Variants in STAM observed in about 807,000 individuals in gnomAD.
The protein encoded by STAM is signal transducing adaptor molecule.
In STAM, 16 loss-of-function variants were observed where a neutral mutation model predicts 63.4. The observed-to-expected ratio is 0.25, with a 90% confidence interval of 0.17 to 0.38. The LOEUF (loss-of-function observed/expected upper bound fraction) is 0.38. Ranked by LOEUF, STAM falls within the 10% of genes least tolerant of loss-of-function variation. The pLI is 1.00. For synonymous variants in STAM, 238 were observed against 223.9 expected (o/e 1.06, Z -0.56); for missense variants, 636 against 657.1 (o/e 0.97, Z 0.35).
chr10:17,672,607 A>G (rs1554824194), intron 2 of STAM, among the ~76,000 whole-genome samples: 1 of 152,200 alleles, frequency 6.6e-6, no homozygotes, highest in African/African-American at 2.4e-5. Flanking sequence ...TATCTAACAT[A>G]GTCCTGTATG....
rs782513894 is a variant in STAM, at chr10:17,714,564, A to G, written c.1407A>G (p.Gln469=). 1.2e-6 allele frequency: 2 copies of G among 1,614,168 alleles called. No homozygotes were observed. The highest frequency in any genetic ancestry group is 8.5e-7 in the Non-Finnish European group (1 of 1,180,022). Residue 469 remains glutamine (Q), a synonymous_variant, in exon 14 of 14, where the codon CAA becomes CAG. Coordinates refer to ENST00000377524, the MANE Select transcript of STAM (RefSeq NM_003473.4). ...AYPNTMVSSV[Q]GNTYPSQAPV... ...ACAGTACAATGGTCAGTTCCGTTCA[A>G]GGAAACACATATCCCAGCCAGGCGC...
intron 2 of STAM, chr10:17,672,985 G>A: frequency 1.0e-6 from 1 of 979,858 alleles, no homozygotes. Context: ...ATAAGGAAAA[G>A]AGAGGATGTG....
At chr10:17,707,383 C>G (rs1167783790) in intron 12 of STAM, among the ~76,000 whole-genome samples, 1 of 151,928 alleles carries the variant, frequency 6.6e-6, no homozygotes, top group Non-Finnish European at 1.5e-5. Flanking sequence ...GCACTCCAGC[C>G]TGGGCGACAG....
At chr10:17,707,903 T>A (rs1836368134) in intron 12 of STAM, among the ~76,000 whole-genome samples, 1 of 152,108 alleles carries the variant, frequency 6.6e-6, no homozygotes, top group Non-Finnish European at 1.5e-5. Context: ...TAATAAACTT[T>A]TTTTTGAGAC....
intron 8 of STAM, among the ~76,000 whole-genome samples, chr10:17,698,528 G>A (rs1210053012): frequency 2.0e-5 from 3 of 151,750 alleles, no homozygotes; most frequent in African/African-American, 7.3e-5. Flanking sequence ...AAGCATCAGA[G>A]CCTATGTAGT....
At chr10:17,704,065 A>C (rs1389182371) in intron 9 of STAM, among the ~76,000 whole-genome samples, 1 of 152,226 alleles carries the variant, frequency 6.6e-6, no homozygotes, top group Non-Finnish European at 1.5e-5. Flanking sequence ...CTTCTCGCTT[A>C]AGAGAATCTC....
chr10:17,715,002 T>C lies in STAM; in HGVS notation c.*222T>C. On this transcript the variant is annotated 3_prime_UTR_variant, in exon 14 of 14. Transcript: ENST00000377524. Reference sequence around the variant, plus strand: ...GAGGAATGAAACTACTTACAACATTTAATTCCTTTCATAATATGAAAGAAT... The same window carrying C: ...GAGGAATGAAACTACTTACAACATTCAATTCCTTTCATAATATGAAAGAAT... The C allele has an allele frequency of 3.7e-6, 2 of 539,662 alleles. No individual in the cohort carries two copies. The highest frequency in any genetic ancestry group is 6.7e-6 in the Non-Finnish European group (2 of 299,340). 33.4% of individuals were successfully genotyped at this position (539,662 alleles called of 1,614,324 possible). A position where few individuals can be genotyped will look rare whatever the true frequency, so the allele number is the denominator to read the frequency against.
chr10:17,653,667 A>G (rs569296146), intron 1 of STAM, among the ~76,000 whole-genome samples: 2 of 152,208 alleles, frequency 1.3e-5, no homozygotes, highest in African/African-American at 2.4e-5. Flanking sequence ...ATTATGCCCT[A>G]TACAGTATAG....
chr10:17,644,315 G>A lies in STAM; in HGVS notation c.-25G>A, dbSNP rs1554820503. 1.2e-6 allele frequency: 2 copies of A among 1,613,750 alleles called. No individual in the cohort carries two copies. The highest frequency in any genetic ancestry group is 1.7e-5 in the Admixed American group (1 of 60,002). On this transcript the variant is annotated 5_prime_UTR_variant, in exon 1 of 14. Coordinates refer to ENST00000377524, the MANE Select transcript of STAM (RefSeq NM_003473.4). Reference sequence around the variant, plus strand: ...CCCGTGCTGTCGAGAGGGAGTCCCCGGGGACACCTCGGCACGCAGCGGAGA... The same window carrying A: ...CCCGTGCTGTCGAGAGGGAGTCCCCAGGGACACCTCGGCACGCAGCGGAGA...
intron 5 of STAM, among the ~76,000 whole-genome samples, chr10:17,689,244 G>T (rs1940858292): frequency 6.6e-6 from 1 of 152,184 alleles, no homozygotes; most frequent in African/African-American, 2.4e-5. Flanking sequence ...TCTTTCCCCA[G>T]TTTATTGACT....
intron 2 of STAM, among the ~76,000 whole-genome samples, chr10:17,662,259 T>A (rs1834202785): frequency 6.6e-6 from 1 of 152,136 alleles, no homozygotes; most frequent in Admixed American, 6.6e-5. Context: ...ACTATCTGAG[T>A]TCCAGTGCTT....
chr10:17,675,368 G>A (rs1554824535), intron 2 of STAM, among the ~76,000 whole-genome samples: 1 of 152,074 alleles, frequency 6.6e-6, no homozygotes, highest in African/African-American at 2.4e-5. Flanking sequence ...GCTGAGTATG[G>A]TAGTGCCTGC....
At chr10:17,709,354 C>T (rs1394982911) in intron 13 of STAM, among the ~76,000 whole-genome samples, 1 of 152,260 alleles carries the variant, frequency 6.6e-6, no homozygotes, top group Non-Finnish European at 1.5e-5. Flanking sequence ...TCTGAGCTGT[C>T]TCTTTAAGAC....
At chr10:17,694,802 T>A in intron 6 of STAM, 2 of 347,474 alleles carry the variant, frequency 5.8e-6, no homozygotes, top group Non-Finnish European at 1.0e-5. Flanking sequence ...ATAATTTACA[T>A]TGTATTTGTT....
Position 17,714,934 on chromosome 10 carries a change from T to C in STAM, c.*154T>C. 5.5e-6 allele frequency: 4 copies of C among 728,458 alleles called. No individual in the cohort carries two copies. In the Admixed American group the frequency reaches 7.8e-5, roughly 14 times the overall value. The allele number at this position is 728,458 out of a possible 1,614,324, so 45.1% of individuals were successfully genotyped here. On this transcript the variant is annotated 3_prime_UTR_variant, in exon 14 of 14. Transcript: ENST00000377524. The stretch of plus-strand genomic sequence containing the variant: ...TTCAAGAAGGTAGAACTCTCCTCAA[T>C]TTACACTGACTTTTTAGAGGTTCTT...
intron 1 of STAM, among the ~76,000 whole-genome samples, chr10:17,655,180 G>A (rs1461769118): frequency 6.6e-6 from 1 of 152,038 alleles, no homozygotes; most frequent in Non-Finnish European, 1.5e-5. Context: ...CTATCTGCTG[G>A]TTTCATTTCC....
At chr10:17,671,464 T>A (rs1373034578) in intron 2 of STAM, among the ~76,000 whole-genome samples, 3 of 152,226 alleles carry the variant, frequency 2.0e-5, no homozygotes, top group Non-Finnish European at 4.4e-5. Flanking sequence ...ACAGATGAGG[T>A]CTGTCAAAGC....
chr10:17,648,052 A>G (rs563390143), intron 1 of STAM, among the ~76,000 whole-genome samples: 94 of 152,284 alleles, frequency 6.2e-4, no homozygotes, highest in Admixed American at 2.9e-3. Flanking sequence ...CTGAGCTCCA[A>G]TGTCTAGGAG....
Position 17,714,498 on chromosome 10 carries a change from T to C in STAM, c.1386-45T>C, listed in dbSNP as rs782375826. 7 of 1,545,332 alleles carry C rather than the reference T, an allele frequency of 4.5e-6. No homozygotes were observed. In the African/African-American group the frequency reaches 9.5e-5, roughly 21 times the overall value. On this transcript the variant is annotated intron_variant, in intron 13 of 13. Transcript: ENST00000377524. ...CTTTTCCATTTATCTGTAGTTGCTC[T>C]ATAAATCAGTATTGATGTAATTGAG...
Sources: allele counts gnomAD v4.1 joint callset (sites outside exome capture counted in the v4.1 genomes callset), GRCh38; gene constraint gnomAD v4.1.1; transcripts MANE v1.5; gene names NCBI Gene and HGNC (gene_info 2026-07-23, HGNC 2026-07-21).